The following VHL variants were observed in gnomAD, a reference collection of about 807,000 sequenced individuals.
The protein encoded by VHL is von Hippel-Lindau tumor suppressor, also known as von Hippel-Lindau disease tumor suppressor.
A neutral mutation model predicts 19.2 loss-of-function variants in VHL; 10 were observed. That is an observed-to-expected ratio of 0.52 (90% CI 0.32 to 0.89). The LOEUF is 0.89. Among genes scored for constraint, VHL ranks in the 40% least tolerant of loss-of-function variants. The probability of loss-of-function intolerance (pLI) is 0.03; values close to 1 mark genes in which losing one functional copy is unlikely to be tolerated. For synonymous variants in VHL, 167 were observed against 129.5 expected (o/e 1.29, Z -1.97); for missense variants, 328 against 292.7 (o/e 1.12, Z -0.88).
Position 10,150,242 on chromosome 3 carries a change from T to G in VHL, c.*277T>G. 2.3e-6 allele frequency: 3 copies of G among 1,331,122 alleles called. No homozygotes were observed. Among genetic ancestry groups the G allele is most frequent in the Non-Finnish European group, 2.9e-6 (3 of 1,034,134 alleles). The allele number at this position is 1,331,122 out of a possible 1,614,324, so 82.5% of individuals were successfully genotyped here. The stretch of plus-strand genomic sequence containing the variant: ...TGCTTCCTAGTAAGTCAGGACAGCT[T>G]GTATGTAAGGAGGTTTGTATAAGTA... On this transcript the variant is annotated 3_prime_UTR_variant, in exon 3 of 3. Transcript: ENST00000256474.
At chr3:10,143,792 T>C (rs1696186667) in intron 1 of VHL, among the ~76,000 whole-genome samples, 1 of 152,144 alleles carries the variant, frequency 6.6e-6, no homozygotes, top group East Asian at 1.9e-4. Flanking sequence ...ATTGTCAGAT[T>C]TATATACTGA....
chr3:10,153,210 G>A lies in VHL; in HGVS notation c.*3245G>A, dbSNP rs1670442748. Among the ~76,000 whole-genome samples the A allele has an allele frequency of 1.3e-5, 2 of 152,068 alleles. No individual in the cohort carries two copies. Among genetic ancestry groups the A allele is most frequent in the African/African-American group, 2.4e-5 (1 of 41,406 alleles). On this transcript the variant is annotated 3_prime_UTR_variant, in exon 3 of 3. Transcript: ENST00000256474. ...GGAGAATGGCATGAACCTGGAAGGCGGAGCTTGCAGTGAGCTGAGATGGTG... is the reference window on the plus strand; with the variant it reads ...GGAGAATGGCATGAACCTGGAAGGCAGAGCTTGCAGTGAGCTGAGATGGTG...
In VHL at chr3:10,142,862, A is replaced by G. The variant is rs1194123576; in HGVS notation, c.340+675A>G. 1 of 152,426 alleles carries G rather than the reference A, an allele frequency of 6.6e-6. No homozygotes were observed. Among genetic ancestry groups the G allele is most frequent in the Non-Finnish European group, 1.5e-5 (1 of 68,222 alleles). The allele number at this position is 152,426 out of a possible 1,614,324, so 9.4% of individuals were successfully genotyped here. ...ACAGATGCAAAGACAGGAACAAGCCAGGGTCATGTTGGCGCCGGAAGAGCC... is the reference window on the plus strand; with the variant it reads ...ACAGATGCAAAGACAGGAACAAGCCGGGGTCATGTTGGCGCCGGAAGAGCC... On this transcript the variant is annotated intron_variant, in intron 1 of 2. Transcript: ENST00000256474.
chr3:10,142,341 C>CTTTTT lies in VHL; in HGVS notation c.340+170_340+174dup, dbSNP rs556405301. ...CGCTGCTCGTAAGCGTCAGAGCATT[C>CTTTTT]TTTTTTTTTTTTTTTTTTTTCTGAG... On this transcript the variant is annotated intron_variant, in intron 1 of 2. Transcript: ENST00000256474. Among the ~76,000 whole-genome samples, 200 of 107,840 alleles carry CTTTTT rather than the reference C, an allele frequency of 1.9e-3. 33 individuals are homozygous for CTTTTT. The highest frequency in any genetic ancestry group is 0.013 in the Middle Eastern group (2 of 152). The allele number at this position is 107,840 out of a possible 152,430, so 70.7% of individuals were successfully genotyped here.
chr3:10,146,854 A>C (rs1696272971), intron 2 of VHL, among the ~76,000 whole-genome samples: 1 of 152,200 alleles, frequency 6.6e-6, no homozygotes. Flanking sequence ...TTGGGCTCTT[A>C]AGAGACAAGC....
chr3:10,148,515 C>A (rs1004488394), intron 2 of VHL, among the ~76,000 whole-genome samples: 7 of 150,968 alleles, frequency 4.6e-5, no homozygotes, highest in Admixed American at 6.6e-5. Context: ...GGGGTTTCAC[C>A]GTTTTAGCCG....
intron 2 of VHL, among the ~76,000 whole-genome samples, chr3:10,147,744 G>A (rs1159497847): frequency 6.6e-6 from 1 of 151,590 alleles, no homozygotes; most frequent in Non-Finnish European, 1.5e-5. Context: ...TTTTATCAGG[G>A]TAAACCCTAA....
intron 2 of VHL, among the ~76,000 whole-genome samples, chr3:10,147,787 C>T (rs1471767082): frequency 6.6e-6 from 1 of 151,850 alleles, no homozygotes; most frequent in Non-Finnish European, 1.5e-5. Flanking sequence ...AAAAAAACCT[C>T]ACTAAAGACC....
In VHL at chr3:10,141,957, A is replaced by T; in HGVS notation, c.110A>T (p.Glu37Val). 6.5e-7 allele frequency: 1 copy of T among 1,547,106 alleles called. No homozygotes were observed. Among genetic ancestry groups the T allele is most frequent in the Non-Finnish European group, 8.7e-7 (1 of 1,145,302 alleles). Residue 37 changes from glutamate (E) to valine (V), a missense_variant, in exon 1 of 3, where the codon GAG becomes GTG. Glu to Val is a moderately radical substitution (Grantham distance 121). Coordinates refer to ENST00000256474, the MANE Select transcript of VHL (RefSeq NM_000551.4). ...EDGGEESGAE[E>V]SGPEESGPEE... is the part of the protein sequence containing the mutation. ...GGCGGGGAGGAGTCGGGCGCCGAGGAGTCCGGCCCGGAAGAGTCCGGCCCG... is the reference window on the plus strand; with the variant it reads ...GGCGGGGAGGAGTCGGGCGCCGAGGTGTCCGGCCCGGAAGAGTCCGGCCCG...
Position 10,153,047 on chromosome 3 carries a change from C to G in VHL, c.*3082C>G, listed in dbSNP as rs899159972. 1.3e-5 allele frequency among the ~76,000 whole-genome samples: 2 copies of G among 151,858 alleles called. No individual in the cohort carries two copies. Among genetic ancestry groups the G allele is most frequent in the African/African-American group, 4.8e-5 (2 of 41,386 alleles). On this transcript the variant is annotated 3_prime_UTR_variant, in exon 3 of 3. Transcript: ENST00000256474. ...ATCCCAGCACTTTGGGAGGCCTAGG[C>G]GGGTGGATCACGAGGTCAGGAAATC... is the stretch of plus-strand genomic sequence containing the variant.
intron 1 of VHL, 127 bp from the exon 2 acceptor site, chr3:10,146,387 G>A (rs1696256663): frequency 7.8e-7 from 1 of 1,281,286 alleles, no homozygotes; most frequent in Admixed American, 1.7e-5. Context: ...CGTTAGCCAG[G>A]ACGGTCTTGA....
intron 2 of VHL, among the ~76,000 whole-genome samples, chr3:10,149,211 C>T (rs995759312): frequency 6.6e-6 from 1 of 151,650 alleles, no homozygotes; most frequent in African/African-American, 2.4e-5. Context: ...CTCCAGGGCT[C>T]AAGTGATCCT....
At position 10,143,546 on chromosome 3, in the gene VHL, C is replaced by T. The variant is rs566714301; in HGVS notation, c.340+1359C>T. Among the ~76,000 whole-genome samples the T allele has an allele frequency of 1.9e-3, 288 of 152,312 alleles. 2 individuals are homozygous for T. Among genetic ancestry groups the T allele is most frequent in the African/African-American group, 6.4e-3 (267 of 41,562 alleles). On this transcript the variant is annotated intron_variant, in intron 1 of 2. Coordinates refer to ENST00000256474, the MANE Select transcript of VHL (RefSeq NM_000551.4). ...CACTGCAATCTCCGACTCCCTGGTT[C>T]AAGCGATTCTCCTGCCTCAGCCTCC... is the stretch of plus-strand genomic sequence containing the variant.
rs1207243768 is a variant in VHL, at chr3:10,150,031, G to A, written c.*66G>A. ...GATGGTACTGATGAGTCTTGATCTAGATACAGGACTGGTTCCTTCCTTAGT... is the reference window on the plus strand; with the variant it reads ...GATGGTACTGATGAGTCTTGATCTAAATACAGGACTGGTTCCTTCCTTAGT... On this transcript the variant is annotated 3_prime_UTR_variant, in exon 3 of 3. Coordinates refer to ENST00000256474, the MANE Select transcript of VHL (RefSeq NM_000551.4). 1 of 1,571,624 alleles carries A rather than the reference G, an allele frequency of 6.4e-7. No homozygotes were observed. The highest frequency in any genetic ancestry group is 8.6e-7 in the Non-Finnish European group (1 of 1,158,478).
At chr3:10,142,306 T>C in intron 1 of VHL, 119 bp downstream of exon 1, 1 of 1,003,316 alleles carries the variant, frequency 1.0e-6, no homozygotes, top group Non-Finnish European at 1.5e-6. Context: ...GCAGGACACA[T>C]CCAGGGTGAC....
rs774645008 is a variant in VHL at position 10,153,515 on chromosome 3, G to C, written c.*3550G>C. On this transcript the variant is annotated 3_prime_UTR_variant, in exon 3 of 3. Transcript: ENST00000256474. ...GTCCAAGGAAAATTAAAAACCTGTA[G>C]CATGAATAATGTTTGTTTTTCATTT... 4.6e-5 allele frequency among the ~76,000 whole-genome samples: 7 copies of C among 151,972 alleles called. No individual in the cohort carries two copies. The highest frequency in any genetic ancestry group is 5.9e-5 in the Non-Finnish European group (4 of 68,010).
At position 10,150,032 on chromosome 3, in the gene VHL, A is replaced by T. The variant is rs1696370844; in HGVS notation, c.*67A>T. 1 of 1,570,540 alleles carries T rather than the reference A, an allele frequency of 6.4e-7. No homozygotes were observed. The highest frequency in any genetic ancestry group is 1.4e-5 in the African/African-American group (1 of 73,824). On this transcript the variant is annotated 3_prime_UTR_variant, in exon 3 of 3. Coordinates refer to ENST00000256474, the MANE Select transcript of VHL (RefSeq NM_000551.4). ...ATGGTACTGATGAGTCTTGATCTAGATACAGGACTGGTTCCTTCCTTAGTT... is the reference window on the plus strand; with the variant it reads ...ATGGTACTGATGAGTCTTGATCTAGTTACAGGACTGGTTCCTTCCTTAGTT...
At chr3:10,149,094 CT>C (rs199676690) in intron 2 of VHL, among the ~76,000 whole-genome samples, 2,285 of 144,460 alleles carry the variant, frequency 0.016, 74 homozygotes, top group African/African-American at 0.054. Context: ...GCCTGTCCCT[CT>C]TTTTTTTTTT....
chr3:10,145,947 A>T (rs913803746), intron 1 of VHL, among the ~76,000 whole-genome samples: 4 of 151,948 alleles, frequency 2.6e-5, no homozygotes, highest in Non-Finnish European at 4.4e-5. Context: ...AGGGCATGGG[A>T]TTGAGAGCTT....
Sources: gnomAD v4.1 joint callset for allele counts (sites outside exome capture counted in the v4.1 genomes callset) on GRCh38, gnomAD v4.1.1 for gene constraint, MANE v1.5 for transcripts, NCBI Gene and HGNC (gene_info 2026-07-23, HGNC 2026-07-21) for gene names.